Variants in GRID2 observed in about 807,000 individuals in gnomAD.
GRID2 encodes glutamate ionotropic receptor delta type subunit 2.
A neutral mutation model predicts 114.8 loss-of-function variants in GRID2; 33 were observed. That is an observed-to-expected ratio of 0.29 (90% CI 0.22 to 0.38). The LOEUF is 0.38. GRID2 is among the 10% of genes least tolerant of loss of function. The pLI, the probability that GRID2 is intolerant of heterozygous loss-of-function variation, is 1.00. For missense variants in GRID2, 1,184 were observed against 1,257.7 expected (o/e 0.94, Z 0.89); for synonymous variants, 505 against 449.9 (o/e 1.12, Z -1.55).
intron 8 of GRID2, among the ~76,000 whole-genome samples, chr4:93,355,678 T>G (rs1311218055): frequency 6.6e-6 from 1 of 152,090 alleles, no homozygotes; most frequent in East Asian, 1.9e-4. Context: ...CCACCTTTAG[T>G]CCATAGACTG....
At chr4:92,505,023 A>T (rs1723885093) in intron 1 of GRID2, among the ~76,000 whole-genome samples, 1 of 152,058 alleles carries the variant, frequency 6.6e-6, no homozygotes, top group Non-Finnish European at 1.5e-5. Flanking sequence ...CGAATCATTT[A>T]AAAGAGAAAA....
intron 14 of GRID2, among the ~76,000 whole-genome samples, chr4:93,761,063 A>G (rs989070108): frequency 6.6e-6 from 1 of 152,216 alleles, no homozygotes; most frequent in Admixed American, 6.5e-5. Context: ...CACTTGAAGG[A>G]TTATGTGGCC....
intron 2 of GRID2, among the ~76,000 whole-genome samples, chr4:92,941,496 T>C (rs752017489): frequency 5.9e-5 from 9 of 152,178 alleles, no homozygotes; most frequent in Non-Finnish European, 1.2e-4. Flanking sequence ...TCTATCAATT[T>C]TGTTGATCTT....
intron 9 of GRID2, among the ~76,000 whole-genome samples, chr4:93,421,742 T>G (rs940236008): frequency 6.6e-6 from 1 of 151,596 alleles, no homozygotes; most frequent in African/African-American, 2.4e-5. Flanking sequence ...AATATTCCTA[T>G]AACAGGTGCA....
At chr4:93,030,929 A>G (rs1724363442) in intron 2 of GRID2, among the ~76,000 whole-genome samples, 1 of 152,046 alleles carries the variant, frequency 6.6e-6, no homozygotes, top group Non-Finnish European at 1.5e-5. Flanking sequence ...GGGGAAGATG[A>G]AAAAGAGGAT....
chr4:93,664,567 A>G (rs1016194349), intron 14 of GRID2, among the ~76,000 whole-genome samples: 4 of 152,170 alleles, frequency 2.6e-5, no homozygotes, highest in Non-Finnish European at 5.9e-5. Context: ...TATGACTCCA[A>G]GTTTCTTGGT....
At chr4:93,331,748 A>G (rs1238269906) in intron 8 of GRID2, among the ~76,000 whole-genome samples, 1 of 152,156 alleles carries the variant, frequency 6.6e-6, no homozygotes, top group Non-Finnish European at 1.5e-5. Context: ...TCTATCAATT[A>G]TCAGCTGTAA....
intron 12 of GRID2, among the ~76,000 whole-genome samples, chr4:93,492,402 A>G (rs1442572974): frequency 6.6e-6 from 1 of 151,856 alleles, no homozygotes; most frequent in African/African-American, 2.4e-5. Flanking sequence ...CAAATCTTAA[A>G]TCTGGTTCCT....
At chr4:92,621,780 G>T (rs2149238925) in intron 2 of GRID2, among the ~76,000 whole-genome samples, 1 of 151,796 alleles carries the variant, frequency 6.6e-6, no homozygotes, top group Non-Finnish European at 1.5e-5. Context: ...GTGAGTGGAT[G>T]GAAAGGATTA....
At chr4:92,625,800 T>C (rs1730495239) in intron 2 of GRID2, among the ~76,000 whole-genome samples, 1 of 152,004 alleles carries the variant, frequency 6.6e-6, no homozygotes, top group South Asian at 2.1e-4. Context: ...TCATCTCCAA[T>C]GCAATATAAA....
chr4:93,722,530 T>C (rs574633004), intron 14 of GRID2, among the ~76,000 whole-genome samples: 3 of 152,326 alleles, frequency 2.0e-5, no homozygotes, highest in South Asian at 4.1e-4. Flanking sequence ...CTAATCTTTG[T>C]GTCCCCCCAA....
intron 2 of GRID2, among the ~76,000 whole-genome samples, chr4:92,713,896 C>G (rs1004627769): frequency 6.6e-6 from 1 of 151,994 alleles, no homozygotes; most frequent in Non-Finnish European, 1.5e-5. Context: ...GGTGGGGACA[C>G]AGCCAAACCA....
intron 1 of GRID2, among the ~76,000 whole-genome samples, chr4:92,487,798 T>A (rs1273574368): frequency 6.6e-6 from 1 of 152,064 alleles, no homozygotes; most frequent in African/African-American, 2.4e-5. Flanking sequence ...CTACATAGTG[T>A]TGTCTTGGGT....
chr4:92,406,889 T>C (rs1731053052), intron 1 of GRID2, among the ~76,000 whole-genome samples: 1 of 152,024 alleles, frequency 6.6e-6, no homozygotes, highest in South Asian at 2.1e-4. Context: ...GATTTTGTTC[T>C]TTCTTACGGC....
Position 92,396,129 on chromosome 4 carries a change from G to A in GRID2, c.88+91385G>A, listed in dbSNP as rs1730481261. Reference sequence around the variant, plus strand: ...AATGACTTGACATATGGTCTGAAATGTTTAGACTGATTATTGGTGAAATAT... The same window carrying A: ...AATGACTTGACATATGGTCTGAAATATTTAGACTGATTATTGGTGAAATAT... On this transcript the variant is annotated intron_variant, in intron 1 of 15. Coordinates refer to ENST00000282020, the MANE Select transcript of GRID2 (RefSeq NM_001510.4). 7.2e-5 allele frequency among the ~76,000 whole-genome samples: 11 copies of A among 151,972 alleles called. No individual in the cohort carries two copies. In the South Asian group the frequency reaches 2.3e-3, roughly 31 times the overall value.
At chr4:92,718,257 G>A (rs771954683) in intron 2 of GRID2, among the ~76,000 whole-genome samples, 19 of 152,020 alleles carry the variant, frequency 1.2e-4, no homozygotes, top group Admixed American at 8.5e-4. Flanking sequence ...AGAAACATAG[G>A]AAAAAGCTGA....
At chr4:93,035,626 A>G (rs1234748183) in intron 2 of GRID2, among the ~76,000 whole-genome samples, 1 of 152,102 alleles carries the variant, frequency 6.6e-6, no homozygotes, top group Non-Finnish European at 1.5e-5. Flanking sequence ...CCTCTCAAGT[A>G]CTGGATTGAC....
intron 2 of GRID2, among the ~76,000 whole-genome samples, chr4:92,975,069 A>G (rs1006571324): frequency 4.9e-5 from 7 of 143,388 alleles, no homozygotes; most frequent in Non-Finnish European, 1.1e-4. Context: ...AGGCAGGAGA[A>G]TGGCGTGAAC....
chr4:92,575,756 C>A (rs1425983306), intron 1 of GRID2, among the ~76,000 whole-genome samples: 6 of 152,142 alleles, frequency 3.9e-5, no homozygotes, highest in Admixed American at 6.5e-5. Context: ...GCTCCCAATC[C>A]TTTAGGGCTC....
Sources: gnomAD v4.1 joint callset for allele counts (sites outside exome capture counted in the v4.1 genomes callset) on GRCh38, gnomAD v4.1.1 for gene constraint, MANE v1.5 for transcripts, NCBI Gene and HGNC (gene_info 2026-07-23, HGNC 2026-07-21) for gene names.